C2CD3: variants seen among roughly 807,000 people sequenced by gnomAD.
The protein encoded by C2CD3 is C2 domain containing 3 centriole elongation regulator, also known as C2 domain-containing protein 3.
A neutral mutation model predicts 234.0 loss-of-function variants in C2CD3; 148 were observed. That is an observed-to-expected ratio of 0.63 (90% CI 0.55 to 0.72). The LOEUF is 0.72. C2CD3 is among the 30% of genes least tolerant of loss of function. The pLI is 0.00. For synonymous variants in C2CD3, 1,000 were observed against 1,035.4 expected (o/e 0.97, Z 0.66); for missense variants, 2,577 against 2,811.5 (o/e 0.92, Z 1.89).
intron 25 of C2CD3, among the ~76,000 whole-genome samples, chr11:74,056,414 C>A (rs1470315820): frequency 1.3e-5 from 2 of 152,204 alleles, no homozygotes; most frequent in East Asian, 1.9e-4. Flanking sequence ...CACACAGTGG[C>A]TGACAGAACT....
At chr11:74,076,966 G>C (rs1381128410) in intron 23 of C2CD3, among the ~76,000 whole-genome samples, 1 of 152,048 alleles carries the variant, frequency 6.6e-6, no homozygotes, top group East Asian at 1.9e-4. Flanking sequence ...ACTCTTTAAG[G>C]TTAGGAACTA....
chr11:74,127,069 G>GTACTC (rs1957437356), intron 7 of C2CD3, among the ~76,000 whole-genome samples: 2 of 152,154 alleles, frequency 1.3e-5, no homozygotes, highest in Non-Finnish European at 2.9e-5. Flanking sequence ...GTACAGTGTT[G>GTACTC]CAATCACAGC....
In C2CD3 at chr11:74,139,799, T is replaced by G; in HGVS notation, c.513A>C (p.Glu171Asp). ...GAAGTGGATGGTAGCTGTCGTAAGT[T>G]TCTGACAGAGGTTCCAGGGCAAGTG... The part of the protein sequence containing the change: ...QVSLALEPLS[E>D]TYDSYHPLPT... The change falls in exon 4 of 33, where the codon GAA becomes GAC. Residue 171 changes from glutamate (E) to aspartate (D), a missense_variant. Physicochemically the swap from Glu to Asp is conservative, Grantham distance 45. Coordinates refer to ENST00000334126, the MANE Select transcript of C2CD3 (RefSeq NM_001286577.2). 6.2e-7 allele frequency: 1 copy of G among 1,613,438 alleles called. No individual in the cohort carries two copies. The highest frequency in any genetic ancestry group is 8.5e-7 in the Non-Finnish European group (1 of 1,179,420).
intron 23 of C2CD3, among the ~76,000 whole-genome samples, chr11:74,076,416 A>C (rs1268152798): frequency 6.6e-6 from 1 of 152,202 alleles, no homozygotes; most frequent in Non-Finnish European, 1.5e-5. Context: ...CAGCAATGTT[A>C]AGCTGAATAA....
At position 74,074,315 on chromosome 11, in the gene C2CD3, T is replaced by G; in HGVS notation, c.4889A>C (p.Asp1630Ala). The change falls in exon 24 of 33, where the codon GAT becomes GCT. Residue 1630 changes from aspartate (D) to alanine (A), a missense_variant. Physicochemically the swap from Asp to Ala is moderately radical, Grantham distance 126. Transcript: ENST00000334126. ...EVRLTQEGPA[D>A]LDGTFAVSIL... is the part of the protein sequence containing the mutation. ...GCTGACTGCAAACGTTCCATCCAAA[T>G]CAGCAGGGCCCTCCTGCGTCAGGCG... The G allele has an allele frequency of 6.2e-7, 1 of 1,614,194 alleles. No homozygotes were observed. The highest frequency in any genetic ancestry group is 8.5e-7 in the Non-Finnish European group (1 of 1,180,018).
chr11:74,151,305 C>CTTTATTTATTTA (rs202206182), intron 3 of C2CD3, among the ~76,000 whole-genome samples: 6,409 of 133,360 alleles, frequency 0.048, 464 homozygotes, highest in African/African-American at 0.16. Context: ...ATCCAACACT[C>CTTTATTTATTTA]TTTATTTATT....
intron 22 of C2CD3, among the ~76,000 whole-genome samples, chr11:74,081,626 CCAT>C (rs916382454): frequency 7.5e-5 from 11 of 147,034 alleles, no homozygotes; most frequent in Non-Finnish European, 1.0e-4. Context: ...ATCATCATCA[CCAT>C]CATCATCATC....
chr11:74,022,154 G>A (rs1457526888), intron 32 of C2CD3, among the ~76,000 whole-genome samples: 2 of 152,068 alleles, frequency 1.3e-5, no homozygotes, highest in Admixed American at 6.6e-5. Flanking sequence ...GTGGGGAGAT[G>A]ATTGGGCTAG....
chr11:74,133,025 C>CT lies in C2CD3; in HGVS notation c.1089-54dup, dbSNP rs1415456563. On this transcript the variant is annotated intron_variant, in intron 6 of 32. Coordinates refer to ENST00000334126, the MANE Select transcript of C2CD3 (RefSeq NM_001286577.2). Reference sequence around the variant, plus strand: ...TGAGTGGCTAACAGATGGAAAAAATCTAAATCATAATCACTTCGTACATGC... The same window carrying CT: ...TGAGTGGCTAACAGATGGAAAAAATCTTAAATCATAATCACTTCGTACATGC... The CT allele has an allele frequency of 4.4e-6, 7 of 1,574,098 alleles. No individual in the cohort carries two copies. In the African/African-American group the frequency reaches 9.5e-5, roughly 21 times the overall value.
intron 22 of C2CD3, among the ~76,000 whole-genome samples, chr11:74,079,714 AAG>A (rs1476729222): frequency 2.6e-5 from 4 of 152,014 alleles, no homozygotes; most frequent in African/African-American, 9.7e-5. Flanking sequence ...GCTACCAAGT[AAG>A]AGAGCTAGAA....
chr11:74,081,558 A>C (rs1955360924), intron 22 of C2CD3, among the ~76,000 whole-genome samples: 1 of 152,192 alleles, frequency 6.6e-6, no homozygotes, highest in African/African-American at 2.4e-5. Flanking sequence ...GATCTGAGAA[A>C]ATATTTTACA....
chr11:74,112,730 A>G (rs1295316504), intron 11 of C2CD3, among the ~76,000 whole-genome samples: 2 of 152,244 alleles, frequency 1.3e-5, no homozygotes, highest in Admixed American at 1.3e-4. Context: ...GGAAAATGCA[A>G]ATCAAAATCA....
intron 29 of C2CD3, among the ~76,000 whole-genome samples, chr11:74,040,805 TG>T (rs942911730): frequency 6.6e-6 from 1 of 151,856 alleles, no homozygotes; most frequent in African/African-American, 2.4e-5. Context: ...GAAGCCGCAG[TG>T]GCTCAGGCCT....
In C2CD3 at chr11:74,026,187, G is replaced by T. The variant is rs181905632; in HGVS notation, c.6921+2100C>A. Among the ~76,000 whole-genome samples, 8 of 152,174 alleles carry T rather than the reference G, an allele frequency of 5.3e-5. No homozygotes were observed. The East Asian group carries it at 1.5e-3, about 29-fold the overall frequency. ...GCTGGTTGTGGTGGTGCACACCTGT[G>T]GTCCTAGCTACTCGAGAGGCTGAGG... is the stretch of plus-strand genomic sequence containing the variant. On this transcript the variant is annotated intron_variant, in intron 32 of 32. Transcript: ENST00000334126.
intron 1 of C2CD3, among the ~76,000 whole-genome samples, chr11:74,170,183 A>G (rs549620604): frequency 6.6e-6 from 1 of 151,636 alleles, no homozygotes; most frequent in African/African-American, 2.4e-5. Context: ...CCCCACTCCA[A>G]TCCTATCACA....
chr11:74,080,829 G>A (rs1955319467), intron 22 of C2CD3, among the ~76,000 whole-genome samples: 1 of 152,078 alleles, frequency 6.6e-6, no homozygotes, highest in Admixed American at 6.6e-5. Context: ...TTTATTAAAT[G>A]CTTTAATAAT....
intron 3 of C2CD3, among the ~76,000 whole-genome samples, chr11:74,159,387 C>T (rs986167294): frequency 2.0e-5 from 3 of 152,086 alleles, no homozygotes; most frequent in Non-Finnish European, 4.4e-5. Flanking sequence ...GCACTGTTAT[C>T]ATAGGAGATG....
At chr11:74,065,505 C>T (rs910839519) in intron 24 of C2CD3, among the ~76,000 whole-genome samples, 20 of 152,232 alleles carry the variant, frequency 1.3e-4, no homozygotes, top group African/African-American at 2.6e-4. Flanking sequence ...GACAGTGTGG[C>T]GATTCCTCAA....
intron 2 of C2CD3, chr11:74,164,277 G>T (rs1034086287): frequency 1.0e-6 from 1 of 959,974 alleles, no homozygotes; most frequent in Non-Finnish European, 1.2e-6. Flanking sequence ...ATCACGTAGT[G>T]TAGCCATAAT....
Sources: allele counts gnomAD v4.1 joint callset (sites outside exome capture counted in the v4.1 genomes callset), GRCh38; gene constraint gnomAD v4.1.1; transcripts MANE v1.5; gene names NCBI Gene and HGNC (gene_info 2026-07-23, HGNC 2026-07-21).